EPS8: variants seen among roughly 807,000 people sequenced by gnomAD.
EPS8 encodes EGFR pathway substrate 8, signaling adaptor, also known as epidermal growth factor receptor kinase substrate 8.
In EPS8, 42 loss-of-function variants were observed where a neutral mutation model predicts 103.8. The observed-to-expected ratio is 0.40, with a 90% CI of 0.32 to 0.52. The LOEUF is 0.52. Ranked by LOEUF, EPS8 falls within the 20% of genes least tolerant of loss-of-function variation. EPS8 has a pLI of 0.40. For synonymous variants in EPS8, 344 were observed against 344.6 expected (o/e 1.00, Z 0.02); for missense variants, 969 against 1,005.1 (o/e 0.96, Z 0.49).
rs1591919975 is a variant in EPS8, at chr12:15,752,314, G to A, written c.-22+36847C>T. 6.6e-6 allele frequency among the ~76,000 whole-genome samples: 1 copy of A among 152,180 alleles called. No homozygotes were observed. Among genetic ancestry groups the A allele is most frequent in the Middle Eastern group, 3.4e-3 (1 of 294 alleles). ...TACAAAAAATTAGCCAGGTGTGGTG[G>A]CGGGTGCCTGTAGTCCCAGCTACAA... On this transcript the variant is annotated intron_variant, in intron 1 of 20. Coordinates refer to ENST00000281172, the MANE Select transcript of EPS8 (RefSeq NM_004447.6). This position sits in a 1 kb window ranked among gnomAD's most constrained non-coding sequence, Gnocchi z 4.4.
chr12:15,783,971 T>C (rs1947285753), intron 1 of EPS8, among the ~76,000 whole-genome samples: 1 of 152,048 alleles, frequency 6.6e-6, no homozygotes, highest in Non-Finnish European at 1.5e-5. Context: ...AAAAAAAAAT[T>C]AATCTAGACA....
chr12:15,733,234 A>G lies in EPS8; in HGVS notation c.-21-50262T>C, dbSNP rs1286433883. On this transcript the variant is annotated intron_variant, in intron 1 of 20. Transcript: ENST00000281172. This position sits in a 1 kb window ranked among gnomAD's most constrained non-coding sequence, Gnocchi z 4.8. Reference sequence around the variant, plus strand: ...ATAGCTGAGAGGCCTCAGGAAACTTAGAATCATGGTGGAAGGGGAAGGGGA... The same window carrying G: ...ATAGCTGAGAGGCCTCAGGAAACTTGGAATCATGGTGGAAGGGGAAGGGGA... 6.6e-6 allele frequency among the ~76,000 whole-genome samples: 1 copy of G among 152,236 alleles called. No individual in the cohort carries two copies. The highest frequency in any genetic ancestry group is 2.4e-5 in the African/African-American group (1 of 41,462).
At chr12:15,641,022 A>T (rs1392552543) in intron 16 of EPS8, among the ~76,000 whole-genome samples, 176 bp from the exon 17 acceptor site, 1 of 130,508 alleles carries the variant, frequency 7.7e-6, no homozygotes, top group African/African-American at 4.0e-5. Context: ...ATGAGTATAC[A>T]GTAGGTAAGG....
chr12:15,689,912 A>G (rs944307888), intron 1 of EPS8, among the ~76,000 whole-genome samples: 10 of 152,182 alleles, frequency 6.6e-5, no homozygotes, highest in African/African-American at 1.9e-4. Flanking sequence ...AACATTGGTA[A>G]TATCATCTTT....
chr12:15,654,337 T>C, intron 12 of EPS8, 44 bp from the exon 13 acceptor site: 1 of 1,579,990 alleles, frequency 6.3e-7, no homozygotes, highest in Non-Finnish European at 8.6e-7. Context: ...TACTATTCTT[T>C]GTGTATTTTC....
chr12:15,658,661 T>C (rs1945550554), intron 10 of EPS8, 76 bp from the exon 11 acceptor site: 1 of 951,738 alleles, frequency 1.1e-6, no homozygotes, highest in Non-Finnish European at 1.7e-6. Context: ...AAAAACCACA[T>C]TTATGTCTGT....
rs1945466640 is a variant in EPS8, at chr12:15,654,173, A to T, written c.1222T>A (p.Ser408Thr). ...VNGDERQLWM[S>T]LGGTWMKARA... Reference sequence around the variant, plus strand: ...GCTTTCATCCAAGTTCCTCCCAATGACATCCACAGCTGCCGTTCATCACCA... The same window carrying T: ...GCTTTCATCCAAGTTCCTCCCAATGTCATCCACAGCTGCCGTTCATCACCA... The change falls in exon 13 of 21, where the codon TCA becomes ACA. Residue 408 changes from serine to threonine, a missense_variant. By Grantham distance (58) the Ser-to-Thr change is moderately conservative. Transcript: ENST00000281172. The T allele has an allele frequency of 1.2e-6, 2 of 1,613,850 alleles. No individual in the cohort carries two copies. The highest frequency in any genetic ancestry group is 8.5e-7 in the Non-Finnish European group (1 of 1,179,808).
chr12:15,770,241 A>G (rs1947139357), intron 1 of EPS8, among the ~76,000 whole-genome samples: 1 of 142,844 alleles, frequency 7.0e-6, no homozygotes, highest in Non-Finnish European at 1.5e-5. Flanking sequence ...GTGAGCTATG[A>G]TCACACCACT....
rs35142421 is a variant in EPS8 at position 15,663,976 on chromosome 12, T to TATATACACAC, written c.736+1779_736+1780insGTGTGTATAT. 5.9e-4 allele frequency among the ~76,000 whole-genome samples: 62 copies of TATATACACAC among 104,438 alleles called. No homozygotes were observed. The East Asian group carries it at 0.012, about 20-fold the overall frequency. The allele number at this position is 104,438 out of a possible 152,430, so 68.5% of individuals were successfully genotyped here. On this transcript the variant is annotated intron_variant, in intron 8 of 20. Coordinates refer to ENST00000281172, the MANE Select transcript of EPS8 (RefSeq NM_004447.6). ...ATATATATATATATATATATATATA[T>TATATACACAC]ACACACACACATATATATATGGTTC...
chr12:15,666,458 C>G lies in EPS8; in HGVS notation c.581G>C (p.Arg194Thr). 1 of 1,613,772 alleles carries G rather than the reference C, an allele frequency of 6.2e-7. No individual in the cohort carries two copies. The highest frequency in any genetic ancestry group is 8.5e-7 in the Non-Finnish European group (1 of 1,179,680). ...ISDSKGGKQK[R>T]RPDALRMISN... Reference sequence around the variant, plus strand: ...CTTTTACCTCAGGGCGTCGGGCCGCCTCTTCTGTTTCCCTCCTTTACTGTC... The same window carrying G: ...CTTTTACCTCAGGGCGTCGGGCCGCGTCTTCTGTTTCCCTCCTTTACTGTC... The change falls in exon 7 of 21, where the codon AGG (arginine) becomes ACG (threonine). Residue 194 changes from arginine (R) to threonine (T), a missense_variant. By Grantham distance (71) the Arg-to-Thr change is moderately conservative. Transcript: ENST00000281172.
chr12:15,622,381 A>C lies in EPS8; in HGVS notation c.2355+777T>G, dbSNP rs141527226. Among the ~76,000 whole-genome samples the C allele has an allele frequency of 3.9e-3, 599 of 152,262 alleles. 3 individuals carry two copies. Among genetic ancestry groups the C allele is most frequent in the African/African-American group, 0.013 (524 of 41,546 alleles). ...AATGGCTACGGGGTGATACGCATGAAGTGATTTTACCCTGAATTATTTAAC... is the reference window on the plus strand; with the variant it reads ...AATGGCTACGGGGTGATACGCATGACGTGATTTTACCCTGAATTATTTAAC... On this transcript the variant is annotated intron_variant, in intron 20 of 20. Coordinates refer to ENST00000281172, the MANE Select transcript of EPS8 (RefSeq NM_004447.6).
Position 15,716,263 on chromosome 12 carries a change from G to A in EPS8, c.-21-33291C>T, listed in dbSNP as rs1946532725. Among the ~76,000 whole-genome samples, 1 of 151,922 alleles carries A rather than the reference G, an allele frequency of 6.6e-6. No individual in the cohort carries two copies. The highest frequency in any genetic ancestry group is 1.5e-5 in the Non-Finnish European group (1 of 68,018). On this transcript the variant is annotated intron_variant, in intron 1 of 20. Transcript: ENST00000281172. The surrounding 1 kb of genome is among the most constrained non-coding windows in gnomAD (Gnocchi z 5.0). ...CAGTTTCCTAATAGTAAGTTAACAG[G>A]TACAGTTAATACCCTGCTGTTAAAC...
At chr12:15,687,980 A>G (rs543439208) in intron 1 of EPS8, among the ~76,000 whole-genome samples, 1 of 152,366 alleles carries the variant, frequency 6.6e-6, no homozygotes, top group African/African-American at 2.4e-5. Context: ...TTTTGAAGGA[A>G]GTACTATTCT....
intron 3 of EPS8, among the ~76,000 whole-genome samples, chr12:15,676,108 T>G (rs759814921): frequency 2.0e-5 from 3 of 151,492 alleles, no homozygotes; most frequent in Non-Finnish European, 4.4e-5. Context: ...CCGTCTCTAT[T>G]AAAAATACAA....
In EPS8 at chr12:15,640,771, A is replaced by C; in HGVS notation, c.1753T>G (p.Leu585Val). The change falls in exon 17 of 21, where the codon TTG becomes GTG. Residue 585 changes from leucine to valine, a missense_variant. Transcript: ENST00000281172. ...GATTCTGGAGGTCTCACAATATCCA[A>C]AATGTTATTTGGCACAAATCCAGAG... is the stretch of plus-strand genomic sequence containing the variant. ...GDSGFVPNNI[L>V]DIVRPPESGL... The C allele has an allele frequency of 6.2e-7, 1 of 1,614,000 alleles. No individual in the cohort carries two copies. Among genetic ancestry groups the C allele is most frequent in the Non-Finnish European group, 8.5e-7 (1 of 1,179,894 alleles).
rs1424707590 is a variant in EPS8, at chr12:15,760,357, C to A, written c.-22+28804G>T. ...AGCCCAAGACCCAATGGCTTCACTG[C>A]TAAATTCTACAAAACATTTAAAGAA... On this transcript the variant is annotated intron_variant, in intron 1 of 20. Coordinates refer to ENST00000281172, the MANE Select transcript of EPS8 (RefSeq NM_004447.6). The surrounding 1 kb of genome is among the most constrained non-coding windows in gnomAD (Gnocchi z 4.5). Among the ~76,000 whole-genome samples the A allele has an allele frequency of 6.6e-6, 1 of 152,034 alleles. No individual in the cohort carries two copies. Among genetic ancestry groups the A allele is most frequent in the African/African-American group, 2.4e-5 (1 of 41,416 alleles).
Position 15,637,571 on chromosome 12 carries a change from G to T in EPS8, c.1821+3132C>A, listed in dbSNP as rs564716026. ...CTGGCACAGCATGAGCACTGGCCAC[G>T]GGCATATCTTCTCTAGAGAGGAGTA... On this transcript the variant is annotated intron_variant, in intron 17 of 20. Coordinates refer to ENST00000281172, the MANE Select transcript of EPS8 (RefSeq NM_004447.6). Among the ~76,000 whole-genome samples the T allele has an allele frequency of 1.3e-3, 196 of 152,320 alleles. 1 individual carries two copies. Among genetic ancestry groups the T allele is most frequent in the African/African-American group, 4.6e-3 (193 of 41,556 alleles).
At chr12:15,694,592 G>T (rs1166305225) in intron 1 of EPS8, among the ~76,000 whole-genome samples, 1 of 152,090 alleles carries the variant, frequency 6.6e-6, no homozygotes, top group Non-Finnish European at 1.5e-5. Context: ...TTCCCAAAGA[G>T]AAGCCCATTT....
chr12:15,701,416 A>G lies in EPS8; in HGVS notation c.-21-18444T>C, dbSNP rs890708432. ...ACACAAAAGCCCAAACTCAGTTTCT[A>G]TGCTATGTCTGTATGTGTGACTCAT... On this transcript the variant is annotated intron_variant, in intron 1 of 20. Transcript: ENST00000281172. The surrounding 1 kb of genome is among the most constrained non-coding windows in gnomAD (Gnocchi z 5.1). Among the ~76,000 whole-genome samples the G allele has an allele frequency of 4.1e-4, 63 of 152,344 alleles. No homozygotes were observed. The highest frequency in any genetic ancestry group is 1.5e-3 in the African/African-American group (63 of 41,584).
Sources: gnomAD v4.1 joint callset for allele counts (sites outside exome capture counted in the v4.1 genomes callset) on GRCh38, gnomAD v4.1.1 for gene constraint, Gnocchi (gnomAD v3.1) non-coding constraint, MANE v1.5 for transcripts, NCBI Gene and HGNC (gene_info 2026-07-23, HGNC 2026-07-21) for gene names.